The following NDUFS7 variants were observed in gnomAD, a reference collection of about 807,000 sequenced individuals.
NDUFS7 encodes the protein NADH:ubiquinone oxidoreductase core subunit S7.
In NDUFS7, 11 loss-of-function variants were observed where a neutral mutation model predicts 31.1. The observed-to-expected ratio is 0.35, with a 90% confidence interval of 0.22 to 0.59. NDUFS7 has a LOEUF of 0.59. Ranked by LOEUF, NDUFS7 falls within the 20% of genes least tolerant of loss-of-function variation. The pLI is 0.79. For synonymous variants in NDUFS7, 136 were observed against 127.9 expected (o/e 1.06, Z -0.43); for missense variants, 263 against 324.2 (o/e 0.81, Z 1.45).
intron 4 of NDUFS7, chr19:1,389,321 GCACACT>G (rs777591349): frequency 2.9e-4 from 133 of 461,478 alleles, no homozygotes; most frequent in Admixed American, 2.0e-3. Context: ...GCACACACAT[GCACACT>G]CACACACATG....
chr19:1,394,609 C>CTCCT, intron 7 of NDUFS7: 1 of 1,215,458 alleles, frequency 8.2e-7, no homozygotes, highest in Non-Finnish European at 1.0e-6. Flanking sequence ...GGGGACCGCG[C>CTCCT]CCCTCCCTCC....
intron 6 of NDUFS7, 29 bp downstream of exon 6, chr19:1,391,194 A>T (rs1289099392): frequency 3.1e-6 from 5 of 1,607,996 alleles, no homozygotes; most frequent in Non-Finnish European, 4.2e-6. Flanking sequence ...GTCTCCAGGG[A>T]CAGACGTAGC....
intron 6 of NDUFS7, chr19:1,392,702 A>G (rs1318871425): frequency 5.5e-6 from 1 of 180,190 alleles, no homozygotes; most frequent in Non-Finnish European, 1.2e-5. Context: ...CTAAACAGTT[A>G]ATTAGAATAT....
At chr19:1,384,171 AAGCCTCC>A (rs1254075778) in intron 1 of NDUFS7, 2 of 540,760 alleles carry the variant, frequency 3.7e-6, no homozygotes, top group Admixed American at 8.3e-5. Flanking sequence ...GTCATGACGC[AAGCCTCC>A]AGCCTCAGGA....
At chr19:1,389,494 G>C (rs1451999500) in intron 4 of NDUFS7, 1 of 457,374 alleles carries the variant, frequency 2.2e-6, no homozygotes, top group African/African-American at 2.0e-5. Context: ...TCCATCTGAG[G>C]ATTCGGACCC....
At chr19:1,390,626 G>C (rs370583660) in intron 4 of NDUFS7, 1 of 591,452 alleles carries the variant, frequency 1.7e-6, no homozygotes, top group African/African-American at 1.9e-5. Flanking sequence ...TGGGTTCGAG[G>C]AACTATGTGA....
At chr19:1,392,194 C>T (rs915285715) in intron 6 of NDUFS7, 4 of 152,066 alleles carry the variant, frequency 2.6e-5, no homozygotes, top group African/African-American at 9.7e-5. Context: ...ACTGAGTTGC[C>T]CAGGCTGGAG....
chr19:1,394,476 GT>G (rs1175078630), intron 7 of NDUFS7: 1 of 1,225,484 alleles, frequency 8.2e-7, no homozygotes, highest in Non-Finnish European at 1.0e-6. Context: ...TGTGCTCCCT[GT>G]CTGGGGACTG....
Position 1,395,498 on chromosome 19 carries a change from C to G in NDUFS7, c.*10C>G, listed in dbSNP as rs764046895. The G allele has an allele frequency of 2.6e-6, 4 of 1,565,342 alleles. No individual in the cohort carries two copies. Among genetic ancestry groups the G allele is most frequent in the South Asian group, 2.4e-5 (2 of 85,072 alleles). On this transcript the variant is annotated 3_prime_UTR_variant, in exon 8 of 8. Coordinates refer to ENST00000233627, the MANE Select transcript of NDUFS7 (RefSeq NM_024407.5). ...CTGGTACCGCAGGTAGCGCCGCCGC[C>G]GCCGCCGCCGGAGCCTGTCGCCGTC...
At chr19:1,390,827 C>T (rs375204891) in intron 4 of NDUFS7, 44 bp from the exon 5 acceptor site, 870 of 1,592,664 alleles carry the variant, frequency 5.5e-4, no homozygotes, top group Non-Finnish European at 7.0e-4. Flanking sequence ...CTGGGCCACG[C>T]GGGGCTCCGG....
intron 4 of NDUFS7, chr19:1,389,724 C>G (rs1043555188): frequency 1.7e-5 from 6 of 348,472 alleles, no homozygotes; most frequent in Non-Finnish European, 1.7e-5. Flanking sequence ...CAGCTCCCTC[C>G]AGCTCCTGCG....
Position 1,383,938 on chromosome 19 carries a change from G to C in NDUFS7, c.12G>C (p.Leu4=). ...AGGCCGAGGCCAAGATGGCGGTGCT[G>C]TCAGGTGAGCGCGGCACCGGCGGCG... MAV[L]SAPGLRGFRI... The change falls in exon 1 of 8, where the codon CTG becomes CTC. Residue 4 remains leucine, a synonymous_variant. Transcript: ENST00000233627. 1.3e-6 allele frequency: 2 copies of C among 1,578,924 alleles called. No homozygotes were observed. The highest frequency in any genetic ancestry group is 1.7e-6 in the Non-Finnish European group (2 of 1,163,758).
At position 1,395,256 on chromosome 19, in the gene NDUFS7, G is replaced by A. The variant is rs745709246; in HGVS notation, c.545-135G>A. On this transcript the variant is annotated intron_variant, in intron 7 of 7. Transcript: ENST00000233627. ...GCCGGCTCCCAGTCCCTGGCACTGC[G>A]CCCACCCAGGGCTGTCAGCCTCCAC... The A allele has an allele frequency of 3.0e-4, 444 of 1,462,260 alleles. 1 individual carries two copies. The highest frequency in any genetic ancestry group is 5.0e-4 in the Middle Eastern group (2 of 4,016). The allele number at this position is 1,462,260 out of a possible 1,614,324, so 90.6% of individuals were successfully genotyped here.
At chr19:1,391,259 T>G (rs1015301436) in intron 6 of NDUFS7, 94 bp downstream of exon 6, 3 of 1,468,848 alleles carry the variant, frequency 2.0e-6, no homozygotes, top group Non-Finnish European at 2.8e-6. Context: ...GTCATCTACA[T>G]TCAGTGAAAT....
intron 7 of NDUFS7, 39 bp from the exon 8 acceptor site, chr19:1,395,352 C>T: frequency 6.3e-7 from 1 of 1,581,726 alleles, no homozygotes; most frequent in Non-Finnish European, 8.6e-7. Context: ...CACGCGGGCT[C>T]CGGCTGCGGG....
intron 1 of NDUFS7, 67 bp downstream of exon 1, chr19:1,384,009 G>A (rs2082491378): frequency 1.3e-6 from 2 of 1,509,808 alleles, no homozygotes; most frequent in Admixed American, 4.4e-5. Context: ...CTCGGGTGTC[G>A]TGGTGGCGTC....
At chr19:1,387,742 A>G in intron 1 of NDUFS7, 69 bp from the exon 2 acceptor site, 1 of 1,440,832 alleles carries the variant, frequency 6.9e-7, no homozygotes, top group Non-Finnish European at 9.7e-7. Context: ...CCTGATGGGG[A>G]AGCGCCTGGA....
At position 1,388,716 on chromosome 19, in the gene NDUFS7, C is replaced by G. The variant is rs773786251; in HGVS notation, c.123-117C>G. 9.8e-6 allele frequency: 14 copies of G among 1,423,738 alleles called. No homozygotes were observed. The Admixed American group carries it at 2.7e-4, about 28-fold the overall frequency. 88.2% of individuals were successfully genotyped at this position (1,423,738 alleles called of 1,614,324 possible). On this transcript the variant is annotated intron_variant, in intron 3 of 7. Transcript: ENST00000233627. ...TGGGGCAGGGAGGGGGTCACACATC[C>G]CAGTCCCTGACCTCATGTGGGTCCA...
intron 1 of NDUFS7, 172 bp downstream of exon 1, chr19:1,384,114 G>A: frequency 1.5e-6 from 1 of 688,202 alleles, no homozygotes; most frequent in Non-Finnish European, 2.3e-6. Context: ...ATGAACGGTC[G>A]CCGTTATTGC....
Sources: gnomAD v4.1 joint callset for allele counts on GRCh38, gnomAD v4.1.1 for gene constraint, MANE v1.5 for transcripts, NCBI Gene and HGNC (gene_info 2026-07-23, HGNC 2026-07-21) for gene names.